The following EBNA1BP2 variants were observed in gnomAD, a reference collection of about 807,000 sequenced individuals.
EBNA1BP2 encodes EBNA1 binding protein 2, also known as probable rRNA-processing protein EBP2.
A neutral mutation model predicts 43.5 loss-of-function variants in EBNA1BP2; 36 were observed. The ratio of observed to expected loss-of-function variants is 0.83; its 90% CI spans 0.63 to 1.09. The LOEUF (loss-of-function observed/expected upper bound fraction) is 1.09. Among genes scored for constraint, EBNA1BP2 ranks in the 50% least tolerant of loss-of-function variants. EBNA1BP2 has a pLI of 0.00. For synonymous variants in EBNA1BP2, 127 were observed against 141.3 expected (o/e 0.90, Z 0.72); for missense variants, 332 against 379.1 (o/e 0.88, Z 1.03).
At position 43,170,883 on chromosome 1, in the gene EBNA1BP2, A is replaced by C. The variant is rs749099265; in HGVS notation, c.324-4T>G. ...TGCGGCCTGGGCTTGGCGATAGCTG[A>C]GAATCGTAGGACAAAATGTGTAATG... On this transcript the variant is annotated splice_polypyrimidine_tract_variant and splice_region_variant and intron_variant, in intron 3 of 8. Coordinates refer to ENST00000236051, the MANE Select transcript of EBNA1BP2 (RefSeq NM_006824.3). The C allele has an allele frequency of 8.9e-6, 14 of 1,565,578 alleles. No homozygotes were observed. The highest frequency in any genetic ancestry group is 1.2e-5 in the Non-Finnish European group (14 of 1,162,316).
Position 43,165,826 on chromosome 1 carries a change from C to T in EBNA1BP2, c.707+1000G>A, listed in dbSNP as rs913111669. Among the ~76,000 whole-genome samples the T allele has an allele frequency of 5.3e-5, 8 of 152,164 alleles. No individual in the cohort carries two copies. In the East Asian group the frequency reaches 7.7e-4, roughly 15 times the overall value. On this transcript the variant is annotated intron_variant, in intron 7 of 8. Transcript: ENST00000236051. The stretch of plus-strand genomic sequence containing the variant: ...GGTTTCACATCTCGATGGCTTTGCT[C>T]GTTCAAGCTCTTACTTCTTCCCAAA...
chr1:43,166,614 AG>A (rs748167269), intron 7 of EBNA1BP2, among the ~76,000 whole-genome samples: 3 of 152,132 alleles, frequency 2.0e-5, no homozygotes, highest in Non-Finnish European at 2.9e-5. Context: ...CAAAAAAAAA[AG>A]AAGTTTAAAA....
At chr1:43,165,763 G>C (rs535854503) in intron 7 of EBNA1BP2, among the ~76,000 whole-genome samples, 1 of 152,172 alleles carries the variant, frequency 6.6e-6, no homozygotes, top group African/African-American at 2.4e-5. Context: ...TGTATTCCCA[G>C]TGACACCAAG....
chr1:43,169,119 T>C lies in EBNA1BP2; in HGVS notation c.448-91A>G, dbSNP rs556908636. On this transcript the variant is annotated intron_variant, in intron 4 of 8. Transcript: ENST00000236051. ...TAGAGCAGGGAACAGATATTCCCTG[T>C]TCTTTAAACTGCGGAACTTATAAAT... is the stretch of plus-strand genomic sequence containing the variant. The C allele has an allele frequency of 4.9e-5, 64 of 1,296,586 alleles. No homozygotes were observed. The South Asian group carries it at 6.6e-4, about 13-fold the overall frequency. The allele number at this position is 1,296,586 out of a possible 1,614,324, so 80.3% of individuals were successfully genotyped here. A position where few individuals can be genotyped will look rare whatever the true frequency, so the allele number is the denominator to read the frequency against.
In EBNA1BP2 at chr1:43,168,616, C is replaced by T. The variant is rs955557502; in HGVS notation, c.537+323G>A. On this transcript the variant is annotated intron_variant, in intron 5 of 8. Coordinates refer to ENST00000236051, the MANE Select transcript of EBNA1BP2 (RefSeq NM_006824.3). ...CACAGATTCCTGGGGATTCTGAAGTCTAGAATTCTGTTTTGAAAAATTTCC... is the reference window on the plus strand; with the variant it reads ...CACAGATTCCTGGGGATTCTGAAGTTTAGAATTCTGTTTTGAAAAATTTCC... 5.9e-5 allele frequency among the ~76,000 whole-genome samples: 9 copies of T among 152,190 alleles called. No homozygotes were observed. In the South Asian group the frequency reaches 1.9e-3, roughly 32 times the overall value.
chr1:43,166,368 G>A (rs527500681), intron 7 of EBNA1BP2, among the ~76,000 whole-genome samples: 5 of 152,276 alleles, frequency 3.3e-5, no homozygotes, highest in African/African-American at 1.2e-4. Flanking sequence ...CAGCACTTTG[G>A]GAGGCTGAGG....
chr1:43,172,055 C>T lies in EBNA1BP2; in HGVS notation c.64G>A (p.Glu22Lys), dbSNP rs1644985072. The T allele has an allele frequency of 6.2e-7, 1 of 1,614,228 alleles. No individual in the cohort carries two copies. Among genetic ancestry groups the T allele is most frequent in the Non-Finnish European group, 8.5e-7 (1 of 1,180,038 alleles). The change falls in exon 1 of 9, where the codon GAG becomes AAG. Residue 22 changes from glutamate to lysine, a missense_variant and splice_region_variant. Transcript: ENST00000236051. ...CCACGAGCTCGGCTGACACCTACCTCTCTGTCTGTGACAAGGGATTCATCG... is the reference window on the plus strand; with the variant it reads ...CCACGAGCTCGGCTGACACCTACCTTTCTGTCTGTGACAAGGGATTCATCG... ...ESDESLVTDR[E>K]LQDAFSRGLL...
upstream of EBNA1BP2, chr1:43,172,569 GGGGAAAGGGGA>G: frequency 1.3e-6 from 1 of 755,874 alleles, no homozygotes; most frequent in Non-Finnish European, 2.1e-6. Flanking sequence ...CCCCGGGGGA[GGGGAAAGGGGA>G]GGGACAAGGG....
chr1:43,170,863 C>T lies in EBNA1BP2; in HGVS notation c.340G>A (p.Ala114Thr), dbSNP rs528412279. 2.8e-4 allele frequency: 437 copies of T among 1,583,588 alleles called. 19 individuals carry two copies. In the South Asian group the frequency reaches 4.8e-3, roughly 17 times the overall value. The part of the protein sequence containing the change: ...REMSFYRQAQ[A>T]AVLAVLPRLH... ...CGGGGTAAGACTGCAAGCACTGCGG[C>T]CTGGGCTTGGCGATAGCTGAGAATC... is the stretch of plus-strand genomic sequence containing the variant. The change falls in exon 4 of 9, where the codon GCC (alanine) becomes ACC (threonine). Residue 114 changes from alanine to threonine, a missense_variant. Transcript: ENST00000236051.
chr1:43,172,420 A>G (rs1644998096), upstream of EBNA1BP2: 2 of 1,551,104 alleles, frequency 1.3e-6, no homozygotes, highest in Non-Finnish European at 8.7e-7. Context: ...CTCTGGATAC[A>G]TGCGTGGTCT....
chr1:43,168,248 A>C (rs1010627), intron 5 of EBNA1BP2, among the ~76,000 whole-genome samples: 27,970 of 152,228 alleles, frequency 0.18, 3,319 homozygotes, highest in Middle Eastern at 0.28. Context: ...AGCCCAGATC[A>C]CAAGTGCTTA....
rs781528619 is a variant in EBNA1BP2, at chr1:43,164,459, TTCA to T, written c.902_904del (p.Met301del). The T allele has an allele frequency of 1.2e-6, 2 of 1,614,110 alleles. No individual in the cohort carries two copies. The highest frequency in any genetic ancestry group is 1.7e-6 in the Non-Finnish European group (2 of 1,180,040). ...AGATGCTATTTAGTGTGTTCTGTTC[TTCA>T]TCTTCTCTCTTGTTCGTTTTCCAGG... On this transcript the variant is annotated inframe_deletion, in exon 9 of 9. Coordinates refer to ENST00000236051, the MANE Select transcript of EBNA1BP2 (RefSeq NM_006824.3).
chr1:43,164,394 T>A lies in EBNA1BP2; in HGVS notation c.*49A>T, dbSNP rs542006638. ...AAGGGATCAAAGTGTGTCGTGAAAT[T>A]GCGAGTCTTCATTCCTTTTTCTTGG... is the stretch of plus-strand genomic sequence containing the variant. On this transcript the variant is annotated 3_prime_UTR_variant, in exon 9 of 9. Transcript: ENST00000236051. 5.0e-6 allele frequency: 8 copies of A among 1,609,332 alleles called. 1 individual carries two copies. The South Asian group carries it at 8.8e-5, about 18-fold the overall frequency.
Position 43,171,054 on chromosome 1 carries a change from C to G in EBNA1BP2, c.324-175G>C, listed in dbSNP as rs926002385. The G allele has an allele frequency of 1.7e-5, 16 of 918,592 alleles. No individual in the cohort carries two copies. In the African/African-American group the frequency reaches 2.6e-4, roughly 15 times the overall value. 56.9% of individuals were successfully genotyped at this position (918,592 alleles called of 1,614,324 possible). ...ATTTAGTATCTAAAAGAAATGTAGC[C>G]GTATACTAGTTTTTAAAAAGGGGAG... On this transcript the variant is annotated intron_variant, in intron 3 of 8. Coordinates refer to ENST00000236051, the MANE Select transcript of EBNA1BP2 (RefSeq NM_006824.3).
chr1:43,166,685 A>G (rs902469360), intron 7 of EBNA1BP2, 141 bp downstream of exon 7: 2 of 788,904 alleles, frequency 2.5e-6, no homozygotes, highest in African/African-American at 3.5e-5. Context: ...ACACAGTCAT[A>G]GGGGTCCTGG....
chr1:43,172,541 G>T (rs1251986372), upstream of EBNA1BP2: 1 of 1,212,850 alleles, frequency 8.2e-7, no homozygotes, highest in Non-Finnish European at 1.1e-6. Flanking sequence ...CGCGGGGGTG[G>T]GGTGGCGCGG....
chr1:43,168,513 C>T (rs1451687034), intron 5 of EBNA1BP2, among the ~76,000 whole-genome samples: 1 of 152,202 alleles, frequency 6.6e-6, no homozygotes, highest in Admixed American at 6.5e-5. Flanking sequence ...ACGTGATTAT[C>T]ACATAGATCA....
At chr1:43,169,750 T>C (rs1187741046) in intron 4 of EBNA1BP2, among the ~76,000 whole-genome samples, 1 of 152,062 alleles carries the variant, frequency 6.6e-6, no homozygotes, top group Non-Finnish European at 1.5e-5. Context: ...ACGAACCCAC[T>C]ATGAATCTGT....
At position 43,167,149 on chromosome 1, in the gene EBNA1BP2, G is replaced by C. The variant is rs1243211733; in HGVS notation, c.613+11C>G. 4 of 1,612,794 alleles carry C rather than the reference G, an allele frequency of 2.5e-6. No homozygotes were observed. Among genetic ancestry groups the C allele is most frequent in the Non-Finnish European group, 3.4e-6 (4 of 1,178,872 alleles). The stretch of plus-strand genomic sequence containing the variant: ...CTGCTACCCTCGTTCCCCTATTAGA[G>C]ATGTACCAACCTTTCTGATATTTCT... On this transcript the variant is annotated intron_variant, in intron 6 of 8. Coordinates refer to ENST00000236051, the MANE Select transcript of EBNA1BP2 (RefSeq NM_006824.3).
Sources: allele counts gnomAD v4.1 joint callset (sites outside exome capture counted in the v4.1 genomes callset), GRCh38; gene constraint gnomAD v4.1.1; transcripts MANE v1.5; gene names NCBI Gene and HGNC (gene_info 2026-07-23, HGNC 2026-07-21).